The following MAP1LC3B variants were observed in gnomAD, a reference collection of about 807,000 sequenced individuals.
MAP1LC3B encodes microtubule-associated protein 1 light chain 3 beta.
MAP1LC3B carries 12 observed loss-of-function variants against 16.7 expected under a neutral mutation model. The ratio of observed to expected loss-of-function variants is 0.72; its 90% CI spans 0.46 to 1.16. The LOEUF (loss-of-function observed/expected upper bound fraction) is 1.16. Among genes scored for constraint, MAP1LC3B ranks in the 50% most tolerant of loss-of-function variants. The pLI is 0.00. For missense variants in MAP1LC3B, 155 were observed against 159.5 expected, an observed-to-expected ratio of 0.97 and a Z score of 0.15; for synonymous variants, 63 against 56.5, an observed-to-expected ratio of 1.11 and a Z score of -0.51.
intron 3 of MAP1LC3B, 192 bp from the exon 4 acceptor site, chr16:87,402,731 G>A (rs1597391791): frequency 1.4e-6 from 1 of 697,858 alleles, no homozygotes; most frequent in Non-Finnish European, 2.3e-6. Flanking sequence ...AGCCTAATAT[G>A]TAATCTTTCA....
intron 1 of MAP1LC3B, among the ~76,000 whole-genome samples, chr16:87,393,700 T>G (rs1329834862): frequency 6.6e-6 from 1 of 152,204 alleles, no homozygotes; most frequent in Non-Finnish European, 1.5e-5. Context: ...CTGTAGTGTC[T>G]AGGCTTATTG....
chr16:87,397,752 G>A (rs935264053), intron 1 of MAP1LC3B, among the ~76,000 whole-genome samples: 1 of 151,576 alleles, frequency 6.6e-6, no homozygotes, highest in Non-Finnish European at 1.5e-5. Flanking sequence ...ATTTATTTGC[G>A]CTTACCGTGA....
At chr16:87,402,511 A>G (rs1908030716) in intron 3 of MAP1LC3B, 1 of 571,390 alleles carries the variant, frequency 1.8e-6, no homozygotes, top group Non-Finnish European at 3.0e-6. Flanking sequence ...TTCTTTCATC[A>G]TAACATCGTT....
intron 1 of MAP1LC3B, chr16:87,396,718 A>G (rs1162910653): frequency 1.3e-5 from 2 of 152,204 alleles, no homozygotes; most frequent in Non-Finnish European, 2.9e-5. Context: ...AGGAGAGGTG[A>G]TGATGAGGGG....
chr16:87,401,041 G>C (rs1162411381), intron 2 of MAP1LC3B, among the ~76,000 whole-genome samples: 1 of 149,524 alleles, frequency 6.7e-6, no homozygotes, highest in East Asian at 2.0e-4. Flanking sequence ...GCTGAGGCAG[G>C]AGAATTGCTT....
At chr16:87,395,685 T>C (rs1907773280) in intron 1 of MAP1LC3B, among the ~76,000 whole-genome samples, 1 of 152,164 alleles carries the variant, frequency 6.6e-6, no homozygotes, top group Non-Finnish European at 1.5e-5. Context: ...TGTTATTCTT[T>C]ACAGCTTAAG....
intron 1 of MAP1LC3B, among the ~76,000 whole-genome samples, chr16:87,398,195 A>G (rs534069148): frequency 6.6e-6 from 1 of 151,914 alleles, no homozygotes; most frequent in East Asian, 1.9e-4. Context: ...GCTAATTTTT[A>G]TACTTTTAGT....
At chr16:87,399,237 T>G (rs1242505487) in intron 2 of MAP1LC3B, 2 of 262,734 alleles carry the variant, frequency 7.6e-6, no homozygotes, top group Non-Finnish European at 1.5e-5. Context: ...GATCTCAAAC[T>G]CCTGGGCTCA....
intron 2 of MAP1LC3B, among the ~76,000 whole-genome samples, chr16:87,400,527 T>G (rs1322073985): frequency 6.6e-6 from 1 of 152,084 alleles, no homozygotes; most frequent in Non-Finnish European, 1.5e-5. Flanking sequence ...GTTATCAGAA[T>G]GAAAGTACCA....
intron 1 of MAP1LC3B, among the ~76,000 whole-genome samples, chr16:87,393,636 C>T (rs891752151): frequency 6.6e-6 from 1 of 152,212 alleles, no homozygotes; most frequent in Non-Finnish European, 1.5e-5. Flanking sequence ...GCAAGACTTA[C>T]ACGTGCCTTT....
At chr16:87,402,645 TC>T in intron 3 of MAP1LC3B, 1 of 548,104 alleles carries the variant, frequency 1.8e-6, no homozygotes, top group Non-Finnish European at 3.2e-6. Context: ...TTAGAATAGT[TC>T]AGAAACTGTA....
rs1185740253 is a variant in MAP1LC3B, at chr16:87,397,298, G to A, written c.41-1517G>A. Among the ~76,000 whole-genome samples, 4 of 152,018 alleles carry A rather than the reference G, an allele frequency of 2.6e-5. No individual in the cohort carries two copies. In the South Asian group the frequency reaches 8.3e-4, roughly 32 times the overall value. Reference sequence around the variant, plus strand: ...AACTTATGGCTGTACTTGAACACAGGAATTTTAAAAGTTTTTATAAAGAGT... The same window carrying A: ...AACTTATGGCTGTACTTGAACACAGAAATTTTAAAAGTTTTTATAAAGAGT... On this transcript the variant is annotated intron_variant, in intron 1 of 3. Transcript: ENST00000268607.
At chr16:87,401,373 CTT>C in intron 2 of MAP1LC3B, among the ~76,000 whole-genome samples, 1 of 152,262 alleles carries the variant, frequency 6.6e-6, no homozygotes. Flanking sequence ...TATTGTCTCT[CTT>C]GTACTATATT....
intron 2 of MAP1LC3B, among the ~76,000 whole-genome samples, chr16:87,400,923 A>G (rs934961401): frequency 2.6e-5 from 4 of 152,156 alleles, no homozygotes; most frequent in Middle Eastern, 3.4e-3. Flanking sequence ...TCACGAAGTC[A>G]GGGGTTCGAG....
At chr16:87,393,508 C>T (rs964960511) in intron 1 of MAP1LC3B, among the ~76,000 whole-genome samples, 1 of 152,176 alleles carries the variant, frequency 6.6e-6, no homozygotes, top group African/African-American at 2.4e-5. Flanking sequence ...TATAGTTTTG[C>T]AGGTCTCATT....
chr16:87,395,915 C>T (rs1907784382), intron 1 of MAP1LC3B, among the ~76,000 whole-genome samples: 1 of 126,210 alleles, frequency 7.9e-6, no homozygotes, highest in Non-Finnish European at 1.6e-5. Flanking sequence ...GGCTGGAGTG[C>T]AGTGGCATGA....
At chr16:87,398,758 G>T (rs1567500113) in intron 1 of MAP1LC3B, 57 bp from the exon 2 acceptor site, 2 of 1,510,094 alleles carry the variant, frequency 1.3e-6, no homozygotes, top group East Asian at 4.5e-5. Flanking sequence ...CAGCAGCAGT[G>T]CTGGGAAGAA....
intron 1 of MAP1LC3B, among the ~76,000 whole-genome samples, chr16:87,397,859 CTT>C (rs929349531): frequency 7.0e-6 from 1 of 143,884 alleles, no homozygotes. Context: ...CACATATTGC[CTT>C]TTTTTTTTTA....
At chr16:87,398,694 A>G in intron 1 of MAP1LC3B, 121 bp from the exon 2 acceptor site, 1 of 816,446 alleles carries the variant, frequency 1.2e-6, no homozygotes, top group Non-Finnish European at 2.1e-6. Flanking sequence ...CCTAGGAAAG[A>G]TGTCTTCAGT....
Sources: allele counts gnomAD v4.1 joint callset (sites outside exome capture counted in the v4.1 genomes callset), GRCh38; gene constraint gnomAD v4.1.1; transcripts MANE v1.5; gene names NCBI Gene and HGNC (gene_info 2026-07-23, HGNC 2026-07-21).